CFAP54: variants seen among roughly 807,000 people sequenced by gnomAD.
The protein encoded by CFAP54 is cilia and flagella associated protein 54, also known as cilia- and flagella-associated protein 54.
Under a neutral mutation model 370.4 loss-of-function variants are expected in CFAP54, and 290 were observed. The observed-to-expected ratio is 0.78, with a 90% CI of 0.71 to 0.86. The LOEUF (loss-of-function observed/expected upper bound fraction) is 0.86. Among genes scored for constraint, CFAP54 ranks in the 40% least tolerant of loss-of-function variants. The probability of loss-of-function intolerance (pLI) is 0.00; values close to 1 mark genes in which losing one functional copy is unlikely to be tolerated. For missense variants in CFAP54, 3,399 were observed against 3,528.7 expected, an observed-to-expected ratio of 0.96 and a Z score of 0.93; for synonymous variants, 1,206 against 1,236.5, an observed-to-expected ratio of 0.98 and a Z score of 0.52.
At chr12:96,756,077 G>T (rs1207622194) in intron 56 of CFAP54, among the ~76,000 whole-genome samples, 1 of 152,170 alleles carries the variant, frequency 6.6e-6, no homozygotes, top group Non-Finnish European at 1.5e-5. Context: ...GAGGGCAGAT[G>T]TTTTCTATGA....
intron 17 of CFAP54, among the ~76,000 whole-genome samples, chr12:96,559,589 G>A (rs988742019): frequency 6.6e-6 from 1 of 151,704 alleles, no homozygotes; most frequent in African/African-American, 2.4e-5. Context: ...ATATAAATAT[G>A]TATATTTATA....
chr12:96,718,789 A>T (rs1957715339), intron 49 of CFAP54, among the ~76,000 whole-genome samples: 1 of 152,242 alleles, frequency 6.6e-6, no homozygotes, highest in African/African-American at 2.4e-5. Context: ...CTGTAATCCC[A>T]GCACTTTGGG....
intron 47 of CFAP54, among the ~76,000 whole-genome samples, chr12:96,708,391 G>A (rs1213908055): frequency 6.6e-6 from 1 of 152,216 alleles, no homozygotes; most frequent in South Asian, 2.1e-4. Context: ...TGAGGCACAG[G>A]TTAGAAATTG....
chr12:96,502,396 T>TAA (rs535053383), intron 2 of CFAP54, among the ~76,000 whole-genome samples: 28,326 of 68,162 alleles, frequency 0.42, 5,928 homozygotes, highest in Non-Finnish European at 0.49. Flanking sequence ...ACACTGTCCC[T>TAA]AAAAAAAAAA....
At chr12:96,632,630 T>G (rs1337694355) in intron 32 of CFAP54, among the ~76,000 whole-genome samples, 1 of 152,004 alleles carries the variant, frequency 6.6e-6, no homozygotes, top group African/African-American at 2.4e-5. Context: ...ACCATCATAA[T>G]TACTCTAGTT....
At chr12:96,643,268 G>A (rs1384043334) in intron 32 of CFAP54, among the ~76,000 whole-genome samples, 1 of 152,110 alleles carries the variant, frequency 6.6e-6, no homozygotes, top group Non-Finnish European at 1.5e-5. Flanking sequence ...ATTTAGAACT[G>A]AGTGATAATG....
At chr12:96,796,667 T>C (rs536385908) in intron 63 of CFAP54, among the ~76,000 whole-genome samples, 2 of 152,280 alleles carry the variant, frequency 1.3e-5, no homozygotes, top group East Asian at 1.9e-4. Context: ...TTACAAGACA[T>C]TTTGGGTTGT....
intron 58 of CFAP54, among the ~76,000 whole-genome samples, chr12:96,762,639 T>G (rs910501253): frequency 5.3e-5 from 8 of 152,254 alleles, no homozygotes; most frequent in Non-Finnish European, 1.0e-4. Flanking sequence ...TATTTAATGT[T>G]GTTCTCTATT....
intron 17 of CFAP54, among the ~76,000 whole-genome samples, chr12:96,560,887 C>T (rs755058633): frequency 1.5e-4 from 23 of 152,134 alleles, no homozygotes; most frequent in South Asian, 6.2e-4. Flanking sequence ...AGTGGTTGTA[C>T]GTGATGATTT....
chr12:96,686,545 A>G (rs1957332090), intron 42 of CFAP54, among the ~76,000 whole-genome samples: 1 of 152,212 alleles, frequency 6.6e-6, no homozygotes, highest in South Asian at 2.1e-4. Context: ...ACAGAAGGCC[A>G]TATTTGAATA....
At position 96,626,819 on chromosome 12, in the gene CFAP54, A is replaced by G; in HGVS notation, c.3983A>G (p.Lys1328Arg). Reference sequence around the variant, plus strand: ...AACTTCCTTGTTATTACAGTTATGAAATTTAAGCAAAAACCAAGATTTCTG... The same window carrying G: ...AACTTCCTTGTTATTACAGTTATGAGATTTAAGCAAAAACCAAGATTTCTG... ...SVKGAVKEVM[K>R]FKQKPRFLEF... Residue 1328 changes from lysine (K) to arginine (R), a missense_variant, in exon 30 of 68, where the codon AAA (lysine) becomes AGA (arginine). Physicochemically the swap from Lys to Arg is conservative, Grantham distance 26 (BLOSUM62 2). Around this residue, in one of 3 missense-constraint regions of CFAP54, gnomAD observed 2,796 missense variants for 2,869.7 expected, o/e 0.97. Coordinates refer to ENST00000524981, the MANE Select transcript of CFAP54 (RefSeq NM_001306084.2). 1 of 1,370,836 alleles carries G rather than the reference A, an allele frequency of 7.3e-7. No homozygotes were observed. 84.9% of individuals were successfully genotyped at this position (1,370,836 alleles called of 1,614,324 possible). A position where few individuals can be genotyped will look rare whatever the true frequency, so the allele number is the denominator to read the frequency against.
At chr12:96,735,770 T>C (rs1204602779) in intron 50 of CFAP54, among the ~76,000 whole-genome samples, 3 of 152,186 alleles carry the variant, frequency 2.0e-5, no homozygotes, top group Non-Finnish European at 4.4e-5. Context: ...ATTTTATACA[T>C]TGAGAAATAG....
chr12:96,715,478 AAG>A (rs1255594145), intron 48 of CFAP54, among the ~76,000 whole-genome samples: 1 of 152,052 alleles, frequency 6.6e-6, no homozygotes, highest in Non-Finnish European at 1.5e-5. Context: ...TGGCAGGGGG[AAG>A]AGAGGGAAAG....
Position 96,757,579 on chromosome 12 carries a change from A to G in CFAP54, c.8031A>G (p.Leu2677=). ...KPKIKISGSP[L]TLKPPLRRSS... ...AGATAAAAATTTCAGGATCACCATTAACACTTAAGGTAAGAGTCTATTTTA... is the reference window on the plus strand; with the variant it reads ...AGATAAAAATTTCAGGATCACCATTGACACTTAAGGTAAGAGTCTATTTTA... The change falls in exon 58 of 68, where the codon TTA becomes TTG. Residue 2677 remains leucine, a synonymous_variant. Coordinates refer to ENST00000524981, the MANE Select transcript of CFAP54 (RefSeq NM_001306084.2). The G allele has an allele frequency of 6.4e-7, 1 of 1,573,558 alleles. No individual in the cohort carries two copies. The highest frequency in any genetic ancestry group is 8.7e-7 in the Non-Finnish European group (1 of 1,149,014).
intron 3 of CFAP54, 74 bp downstream of exon 3, chr12:96,504,103 C>G: frequency 7.4e-7 from 1 of 1,349,750 alleles, no homozygotes; most frequent in Non-Finnish European, 9.7e-7. Flanking sequence ...TTGACAGCTT[C>G]TAAATGTCTT....
chr12:96,580,738 A>G lies in CFAP54; in HGVS notation c.2889+49A>G, dbSNP rs576240572. The G allele has an allele frequency of 2.3e-6, 3 of 1,283,616 alleles. No homozygotes were observed. The South Asian group carries it at 4.3e-5, about 18-fold the overall frequency. 79.5% of individuals were successfully genotyped at this position (1,283,616 alleles called of 1,614,324 possible). On this transcript the variant is annotated intron_variant, in intron 21 of 67. Transcript: ENST00000524981. ...AATCTTACTGAAGCCTTTAATGATA[A>G]TTAAATTTTTAAATGAAGTCATTGT...
intron 65 of CFAP54, among the ~76,000 whole-genome samples, chr12:96,828,047 ATATTAATATAT>A (rs1049097528): frequency 2.3e-5 from 3 of 127,748 alleles, no homozygotes; most frequent in Non-Finnish European, 3.1e-5. Context: ...ATATAATTAT[ATATTAATATAT>A]TATTAATATA....
chr12:96,791,334 T>C (rs1212271996), intron 62 of CFAP54, among the ~76,000 whole-genome samples: 3 of 152,176 alleles, frequency 2.0e-5, no homozygotes, highest in African/African-American at 7.2e-5. Context: ...GCTAGCCTAT[T>C]GTTTTGTTGA....
In CFAP54 at chr12:96,708,771, A is replaced by G; in HGVS notation, c.6692A>G (p.Asn2231Ser). Reference sequence around the variant, plus strand: ...AATAAATTTAAGACAGTAATTACCAACAAGAGCAAACCAAACCTACCAAAC... The same window carrying G: ...AATAAATTTAAGACAGTAATTACCAGCAAGAGCAAACCAAACCTACCAAAC... ...PENKFKTVITNKSKPNLPNLE... is the reference protein window; with the variant it reads ...PENKFKTVITSKSKPNLPNLE... Residue 2231 changes from asparagine to serine, a missense_variant, in exon 48 of 68, where the codon AAC becomes AGC. Physicochemically the swap from Asn to Ser is conservative, Grantham distance 46. Coordinates refer to ENST00000524981, the MANE Select transcript of CFAP54 (RefSeq NM_001306084.2). 3.1e-6 allele frequency: 5 copies of G among 1,605,588 alleles called. No homozygotes were observed. The highest frequency in any genetic ancestry group is 4.3e-6 in the Non-Finnish European group (5 of 1,176,264).
Sources: gnomAD v4.1 joint callset for allele counts (sites outside exome capture counted in the v4.1 genomes callset) on GRCh38, gnomAD v4.1.1 for gene constraint, gnomAD v4.1.1 regional missense constraint, MANE v1.5 for transcripts, NCBI Gene and HGNC (gene_info 2026-07-23, HGNC 2026-07-21) for gene names.